MYOM2: variants seen among roughly 807,000 people sequenced by gnomAD.
MYOM2 encodes the protein myomesin-2.
In MYOM2, 254 loss-of-function variants were observed where a neutral mutation model predicts 187.6. The ratio of observed to expected loss-of-function variants is 1.35; its 90% CI spans 1.22 to 1.50. The LOEUF is 1.50. MYOM2 is among the 40% of genes most tolerant of loss of function. MYOM2 has a pLI of 0.00. For missense variants in MYOM2, 2,796 were observed against 1,924.0 expected (o/e 1.45, Z -8.48); for synonymous variants, 981 against 753.8 (o/e 1.30, Z -4.94).
chr8:2,084,367 A>G (rs1394929390), intron 13 of MYOM2, among the ~76,000 whole-genome samples: 2 of 152,138 alleles, frequency 1.3e-5, no homozygotes, highest in Non-Finnish European at 2.9e-5. Context: ...TACTATTTCC[A>G]TGTTCAGTTC....
chr8:2,095,734 G>A lies in MYOM2; in HGVS notation c.2126-513G>A, dbSNP rs181164341. On this transcript the variant is annotated intron_variant, in intron 17 of 36. Transcript: ENST00000262113. ...TCGACCTGTTAGGAGAAGGCGGTCC[G>A]TTTCAAATGCCCTGCTCAAACAGGG... 3.3e-4 allele frequency among the ~76,000 whole-genome samples: 51 copies of A among 152,290 alleles called. No individual in the cohort carries two copies. In the East Asian group the frequency reaches 6.2e-3, roughly 18 times the overall value.
chr8:2,096,576 T>C (rs1406332296), intron 18 of MYOM2, 142 bp downstream of exon 18: 3 of 844,494 alleles, frequency 3.6e-6, no homozygotes. Flanking sequence ...GATCATGAAG[T>C]TTTGGAGCTA....
At chr8:2,061,183 A>T (rs930916206) in intron 6 of MYOM2, among the ~76,000 whole-genome samples, 3 of 150,744 alleles carry the variant, frequency 2.0e-5, no homozygotes, top group Non-Finnish European at 4.4e-5. Flanking sequence ...CGGTTTAGTG[A>T]GGGAGGGGGT....
intron 3 of MYOM2, 107 bp downstream of exon 3, chr8:2,052,420 G>A: frequency 8.0e-7 from 1 of 1,245,184 alleles, no homozygotes; most frequent in Non-Finnish European, 1.1e-6. Flanking sequence ...GGAAGATCAA[G>A]GAACACAGGC....
At chr8:2,088,571 C>G (rs1485573355) in intron 14 of MYOM2, among the ~76,000 whole-genome samples, 2 of 152,246 alleles carry the variant, frequency 1.3e-5, no homozygotes, top group African/African-American at 4.8e-5. Flanking sequence ...CAGCCTCCAG[C>G]TGCACCCATG....
chr8:2,128,237 C>G (rs780816432), intron 31 of MYOM2, among the ~76,000 whole-genome samples: 1 of 152,048 alleles, frequency 6.6e-6, no homozygotes, highest in African/African-American at 2.4e-5. Context: ...CTTTGAACTC[C>G]TAGAAGCACA....
rs1227211671 is a variant in MYOM2, at chr8:2,145,314, G to A, written c.*333G>A. 7 of 431,958 alleles carry A rather than the reference G, an allele frequency of 1.6e-5. No individual in the cohort carries two copies. Among genetic ancestry groups the A allele is most frequent in the African/African-American group, 1.4e-4 (7 of 48,562 alleles). 26.8% of individuals were successfully genotyped at this position (431,958 alleles called of 1,614,324 possible). On this transcript the variant is annotated 3_prime_UTR_variant, in exon 37 of 37. Transcript: ENST00000262113. Reference sequence around the variant, plus strand: ...ACCTGGACGTGTGCAGCATGTGGCGGTCTGTGTGAAGCCACCGTGCTTCTC... The same window carrying A: ...ACCTGGACGTGTGCAGCATGTGGCGATCTGTGTGAAGCCACCGTGCTTCTC...
intron 6 of MYOM2, among the ~76,000 whole-genome samples, chr8:2,065,384 C>G (rs1326983252): frequency 6.6e-6 from 1 of 152,270 alleles, no homozygotes; most frequent in East Asian, 1.9e-4. Flanking sequence ...GCCTGAGCAA[C>G]ATGGTGAAAC....
chr8:2,080,156 C>A (rs1208974787), intron 13 of MYOM2, among the ~76,000 whole-genome samples: 1 of 152,172 alleles, frequency 6.6e-6, no homozygotes, highest in African/African-American at 2.4e-5. Flanking sequence ...GAGAATCCAA[C>A]ATTATTAACT....
intron 6 of MYOM2, among the ~76,000 whole-genome samples, chr8:2,065,536 C>G (rs2129332052): frequency 6.6e-6 from 1 of 152,300 alleles, no homozygotes; most frequent in South Asian, 2.1e-4. Context: ...CGCCACTGCA[C>G]TTCAGCCCGG....
Position 2,089,360 on chromosome 8 carries a change from G to A in MYOM2, c.1645-648G>A, listed in dbSNP as rs77282166. ...CACCATATAAAATAGCCACATTAAC[G>A]TGTGGTACATATATTTATAGTCTTT... On this transcript the variant is annotated intron_variant, in intron 14 of 36. Coordinates refer to ENST00000262113, the MANE Select transcript of MYOM2 (RefSeq NM_003970.4). Among the ~76,000 whole-genome samples, 253 of 152,286 alleles carry A rather than the reference G, an allele frequency of 1.7e-3. 2 individuals are homozygous for A. In the East Asian group the frequency reaches 0.022, roughly 13 times the overall value.
At chr8:2,070,052 G>A (rs1819160770) in intron 8 of MYOM2, among the ~76,000 whole-genome samples, 1 of 152,228 alleles carries the variant, frequency 6.6e-6, no homozygotes. Flanking sequence ...ATGAGGCGAA[G>A]CCCTCTCTGG....
intron 21 of MYOM2, among the ~76,000 whole-genome samples, chr8:2,104,020 C>T (rs1293237283): frequency 1.3e-5 from 2 of 152,114 alleles, no homozygotes; most frequent in South Asian, 2.1e-4. Context: ...ACTAATGGCC[C>T]TGGATGAGAA....
Position 2,059,144 on chromosome 8 carries a change from C to G in MYOM2, c.561-9C>G, listed in dbSNP as rs199511208. The G allele has an allele frequency of 7.0e-5, 113 of 1,613,198 alleles. No homozygotes were observed. The African/African-American group carries it at 1.4e-3, about 19-fold the overall frequency. Reference sequence around the variant, plus strand: ...GCCTTTAAACTAAAAACATGCCTCCCTCATTTAGGTACAAAGATGGCAGTC... The same window carrying G: ...GCCTTTAAACTAAAAACATGCCTCCGTCATTTAGGTACAAAGATGGCAGTC... On this transcript the variant is annotated splice_polypyrimidine_tract_variant and intron_variant, in intron 5 of 36. Transcript: ENST00000262113.
intron 13 of MYOM2, among the ~76,000 whole-genome samples, chr8:2,082,980 CA>C (rs1393464726): frequency 2.6e-5 from 4 of 152,122 alleles, no homozygotes; most frequent in African/African-American, 9.7e-5. Context: ...TTCAGCCACC[CA>C]GTAGCTGTGC....
At chr8:2,045,487 G>T in intron 1 of MYOM2, among the ~76,000 whole-genome samples, 1 of 152,224 alleles carries the variant, frequency 6.6e-6, no homozygotes, top group East Asian at 1.9e-4. Flanking sequence ...CCCCCAGTCA[G>T]TGGACTGATG....
chr8:2,129,049 C>A lies in MYOM2; in HGVS notation c.3695-78C>A, dbSNP rs1585958695. On this transcript the variant is annotated intron_variant, in intron 31 of 36. Transcript: ENST00000262113. ...AGGATTGCAGGTGGGGACAGGAGGG[C>A]TTGCCGCCGCGATGCTTTCTGTGAT... 9 of 1,064,758 alleles carry A rather than the reference C, an allele frequency of 8.5e-6. No individual in the cohort carries two copies. The East Asian group carries it at 2.0e-4, about 23-fold the overall frequency. 66.0% of individuals were successfully genotyped at this position (1,064,758 alleles called of 1,614,324 possible). A position where few individuals can be genotyped will look rare whatever the true frequency, so the allele number is the denominator to read the frequency against.
chr8:2,115,883 C>T (rs948061222), intron 25 of MYOM2, 77 bp from the exon 26 acceptor site: 1 of 1,477,806 alleles, frequency 6.8e-7, no homozygotes, highest in Non-Finnish European at 9.2e-7. Flanking sequence ...ATGGCTGATG[C>T]AATTGTTAAA....
At chr8:2,128,347 C>G (rs1444784142) in intron 31 of MYOM2, among the ~76,000 whole-genome samples, 1 of 152,228 alleles carries the variant, frequency 6.6e-6, no homozygotes, top group Admixed American at 6.5e-5. Context: ...CTCTTTGTTA[C>G]ACTATCCTCC....
Sources: gnomAD v4.1 joint callset for allele counts (sites outside exome capture counted in the v4.1 genomes callset) on GRCh38, gnomAD v4.1.1 for gene constraint, MANE v1.5 for transcripts, NCBI Gene and HGNC (gene_info 2026-07-23, HGNC 2026-07-21) for gene names.